Variants in DGKI observed in about 807,000 individuals in gnomAD.
The protein encoded by DGKI is DAG kinase iota.
Under a neutral mutation model 147.5 loss-of-function variants are expected in DGKI, and 55 were observed. That is an observed-to-expected ratio of 0.37 (90% CI 0.30 to 0.47). The LOEUF is 0.47. DGKI is among the 20% of genes least tolerant of loss of function. DGKI has a pLI of 1.00. For synonymous variants in DGKI, 469 were observed against 477.1 expected (o/e 0.98, Z 0.22); for missense variants, 1,007 against 1,323.8 (o/e 0.76, Z 3.71).
intron 3 of DGKI, among the ~76,000 whole-genome samples, chr7:137,674,193 G>C (rs567753540): frequency 1.3e-5 from 2 of 152,106 alleles, no homozygotes; most frequent in Admixed American, 6.5e-5. Context: ...ATTCCATTAC[G>C]TATCTGCTCA....
chr7:137,671,265 G>C lies in DGKI; in HGVS notation c.606+7292C>G, dbSNP rs191705768. Among the ~76,000 whole-genome samples the C allele has an allele frequency of 2.0e-4, 30 of 152,280 alleles. No individual in the cohort carries two copies. The East Asian group carries it at 5.6e-3, about 28-fold the overall frequency. On this transcript the variant is annotated intron_variant, in intron 3 of 32. Transcript: ENST00000614521. ...GTGATACCCCGTTACAGACAATGAT[G>C]AGGCTTCTGATTCACCAATAAGAAG...
chr7:137,465,297 T>C (rs1331353734), intron 26 of DGKI, among the ~76,000 whole-genome samples: 1 of 152,240 alleles, frequency 6.6e-6, no homozygotes, highest in Non-Finnish European at 1.5e-5. Flanking sequence ...GTTTAATGCA[T>C]GTTTTAAAAA....
At chr7:137,832,476 T>C (rs1798246698) in intron 1 of DGKI, among the ~76,000 whole-genome samples, 1 of 152,228 alleles carries the variant, frequency 6.6e-6, no homozygotes, top group Non-Finnish European at 1.5e-5. Flanking sequence ...TCTGAAGCAA[T>C]AGCTCAAGCT....
intron 3 of DGKI, among the ~76,000 whole-genome samples, chr7:137,657,041 C>A (rs1822251153): frequency 6.6e-6 from 1 of 152,160 alleles, no homozygotes; most frequent in African/African-American, 2.4e-5. Context: ...AGGCTTCTAT[C>A]CCAGGCATGA....
In DGKI at chr7:137,578,102, T is replaced by C. The variant is rs10226880; in HGVS notation, c.1698+168A>G. Among the ~76,000 whole-genome samples the C allele has an allele frequency of 0.11, 16,456 of 152,224 alleles. 1,126 individuals carry two copies. The highest frequency in any genetic ancestry group is 0.18 in the African/African-American group (7,498 of 41,518). Reference sequence around the variant, plus strand: ...TCTTTCTGACAGCTAACTTAAGAAATACACCTCACTTTCATTCTTAAGCCC... The same window carrying C: ...TCTTTCTGACAGCTAACTTAAGAAACACACCTCACTTTCATTCTTAAGCCC... On this transcript the variant is annotated intron_variant, in intron 16 of 32. Transcript: ENST00000614521.
At chr7:137,396,401 T>C (rs892461492) in intron 31 of DGKI, among the ~76,000 whole-genome samples, 6 of 152,204 alleles carry the variant, frequency 3.9e-5, no homozygotes, top group Admixed American at 1.3e-4. Context: ...TCCCCATCAC[T>C]GACAGGCTCT....
intron 1 of DGKI, among the ~76,000 whole-genome samples, chr7:137,706,688 T>C (rs1241964564): frequency 6.6e-6 from 1 of 152,160 alleles, no homozygotes; most frequent in East Asian, 1.9e-4. Flanking sequence ...TTCTTCTGCC[T>C]CAGCCTCCTG....
At chr7:137,577,354 T>C in intron 16 of DGKI, 70 bp from the exon 17 acceptor site, 1 of 1,095,060 alleles carries the variant, frequency 9.1e-7, no homozygotes, top group Admixed American at 2.3e-5. Flanking sequence ...TGCTTCCATA[T>C]CCTAGATTCC....
chr7:137,776,003 C>T (rs1796351371), intron 1 of DGKI, among the ~76,000 whole-genome samples: 1 of 152,036 alleles, frequency 6.6e-6, no homozygotes, highest in South Asian at 2.1e-4. Flanking sequence ...GGATTATAAG[C>T]ATGTGCCACC....
intron 2 of DGKI, among the ~76,000 whole-genome samples, chr7:137,681,902 C>T (rs1298932909): frequency 6.6e-6 from 1 of 152,262 alleles, no homozygotes; most frequent in Non-Finnish European, 1.5e-5. Context: ...CTATTGTCAA[C>T]CAAATGGGCA....
intron 23 of DGKI, among the ~76,000 whole-genome samples, chr7:137,481,582 C>G (rs1815373622): frequency 6.6e-6 from 1 of 152,082 alleles, no homozygotes; most frequent in South Asian, 2.1e-4. Flanking sequence ...AAATATCTAA[C>G]ACATTCTTGT....
At chr7:137,800,244 C>A (rs1382437927) in intron 1 of DGKI, among the ~76,000 whole-genome samples, 1 of 152,042 alleles carries the variant, frequency 6.6e-6, no homozygotes, top group Non-Finnish European at 1.5e-5. Flanking sequence ...TCACTGGTTA[C>A]AGGCAAGGAG....
chr7:137,418,041 G>A (rs2113581), intron 28 of DGKI, among the ~76,000 whole-genome samples: 61,737 of 151,972 alleles, frequency 0.41, 13,093 homozygotes, highest in East Asian at 0.74. Context: ...GCCAGGCCCC[G>A]TTTGAGGCAG....
chr7:137,726,209 C>A (rs906093627), intron 1 of DGKI, among the ~76,000 whole-genome samples: 3 of 152,180 alleles, frequency 2.0e-5, no homozygotes, highest in African/African-American at 7.2e-5. Context: ...TCATCACTCT[C>A]AACCTCCACA....
intron 30 of DGKI, 35 bp from the exon 31 acceptor site, chr7:137,397,448 T>A: frequency 6.2e-7 from 1 of 1,604,792 alleles, no homozygotes; most frequent in Non-Finnish European, 8.5e-7. Context: ...CCGTCAAAAA[T>A]AAGCTCAAAA....
intron 1 of DGKI, chr7:137,772,323 G>A (rs895211673): frequency 2.0e-5 from 3 of 152,098 alleles, no homozygotes; most frequent in Non-Finnish European, 4.4e-5. Context: ...TCTGCTTTTG[G>A]TCTGTTCTGT....
chr7:137,464,478 T>C (rs1814576702), intron 26 of DGKI, among the ~76,000 whole-genome samples: 1 of 152,144 alleles, frequency 6.6e-6, no homozygotes, highest in Non-Finnish European at 1.5e-5. Flanking sequence ...TGCATGGATG[T>C]GCCCCACGAA....
chr7:137,535,081 G>T (rs997612943), intron 20 of DGKI, among the ~76,000 whole-genome samples: 1 of 152,060 alleles, frequency 6.6e-6, no homozygotes, highest in African/African-American at 2.4e-5. Context: ...GAACTGTAAC[G>T]AAATAAATTT....
At chr7:137,492,100 A>G (rs892641998) in intron 21 of DGKI, among the ~76,000 whole-genome samples, 1 of 152,248 alleles carries the variant, frequency 6.6e-6, no homozygotes, top group African/African-American at 2.4e-5. Flanking sequence ...ATCATTCCCA[A>G]GAAACAGTTC....
Sources: gnomAD v4.1 joint callset for allele counts (sites outside exome capture counted in the v4.1 genomes callset) on GRCh38, gnomAD v4.1.1 for gene constraint, MANE v1.5 for transcripts, NCBI Gene and HGNC (gene_info 2026-07-23, HGNC 2026-07-21) for gene names.